ADGRL2: variants seen among roughly 807,000 people sequenced by gnomAD.
ADGRL2 encodes the protein adhesion G protein-coupled receptor L2, also known as calcium-independent alpha-latrotoxin receptor 2.
In ADGRL2, 44 loss-of-function variants were observed where a neutral mutation model predicts 157.4. The ratio of observed to expected loss-of-function variants is 0.28; its 90% CI spans 0.22 to 0.36. The LOEUF (loss-of-function observed/expected upper bound fraction) is 0.36. ADGRL2 is among the 10% of genes least tolerant of loss of function. The pLI is 1.00. For missense variants in ADGRL2, 1,510 were observed against 1,768.9 expected, an observed-to-expected ratio of 0.85 and a Z score of 2.63; for synonymous variants, 585 against 624.7, an observed-to-expected ratio of 0.94 and a Z score of 0.95.
At chr1:81,847,742 AT>A (rs2092846413) in intron 2 of ADGRL2, among the ~76,000 whole-genome samples, 1 of 151,888 alleles carries the variant, frequency 6.6e-6, no homozygotes, top group Non-Finnish European at 1.5e-5. Context: ...CTTTCATTCT[AT>A]CATACACAGA....
At chr1:81,843,890 G>T (rs890721612) in intron 2 of ADGRL2, among the ~76,000 whole-genome samples, 2 of 151,494 alleles carry the variant, frequency 1.3e-5, no homozygotes, top group Non-Finnish European at 2.9e-5. Context: ...CTTTCTTCTT[G>T]ATTCCATCCT....
intron 1 of ADGRL2, among the ~76,000 whole-genome samples, chr1:81,316,024 C>T (rs981977734): frequency 6.6e-6 from 1 of 151,764 alleles, no homozygotes; most frequent in African/African-American, 2.4e-5. Context: ...TTTTCCTTCT[C>T]ATGTGTGCCC....
chr1:81,978,956 CA>C (rs540324197), intron 17 of ADGRL2, among the ~76,000 whole-genome samples: 23 of 149,862 alleles, frequency 1.5e-4, no homozygotes, highest in Non-Finnish European at 2.4e-4. Context: ...AATAAAATGG[CA>C]AAAAAAAATT....
rs1472622951 is a variant in ADGRL2 at position 81,900,873 on chromosome 1, C to T, written c.74-6144C>T. Among the ~76,000 whole-genome samples, 3 of 151,742 alleles carry T rather than the reference C, an allele frequency of 2.0e-5. No homozygotes were observed. In the East Asian group the frequency reaches 5.8e-4, roughly 29 times the overall value. ...GCCCAGTCATTGGCTGACCACTAAG[C>T]CATGCAGACAGAGGTGATATCTAGG... On this transcript the variant is annotated intron_variant, in intron 2 of 23. Coordinates refer to ENST00000686636, the MANE Select transcript of ADGRL2 (RefSeq NM_001366006.2).
chr1:81,831,419 G>A (rs926234589), intron 1 of ADGRL2, among the ~76,000 whole-genome samples: 7 of 151,992 alleles, frequency 4.6e-5, no homozygotes, highest in Non-Finnish European at 1.0e-4. Flanking sequence ...TTCTTTTGGT[G>A]TTTCCTCACT....
rs749479865 is a variant in ADGRL2, at chr1:81,877,030, C to T, written c.74-29987C>T. On this transcript the variant is annotated intron_variant, in intron 2 of 23. Coordinates refer to ENST00000686636, the MANE Select transcript of ADGRL2 (RefSeq NM_001366006.2). Reference sequence around the variant, plus strand: ...CACTCCTGCCCAACCGCTCATTCTACAATATTGAGCCTTAACTCCTGTTCC... The same window carrying T: ...CACTCCTGCCCAACCGCTCATTCTATAATATTGAGCCTTAACTCCTGTTCC... Among the ~76,000 whole-genome samples the T allele has an allele frequency of 4.1e-4, 62 of 152,124 alleles. 1 individual carries two copies. Among genetic ancestry groups the T allele is most frequent in the Non-Finnish European group, 8.5e-4 (58 of 67,988 alleles).
At chr1:81,476,579 C>T (rs575149065) in intron 2 of ADGRL2, among the ~76,000 whole-genome samples, 1 of 152,278 alleles carries the variant, frequency 6.6e-6, no homozygotes, top group East Asian at 1.9e-4. Flanking sequence ...AAACGTTGTG[C>T]CTGCTTACCT....
intron 3 of ADGRL2, among the ~76,000 whole-genome samples, chr1:81,688,925 T>C (rs909735506): frequency 6.6e-6 from 1 of 152,150 alleles, no homozygotes; most frequent in African/African-American, 2.4e-5. Flanking sequence ...CAAACTGCAG[T>C]GACTGTTGTC....
intron 3 of ADGRL2, among the ~76,000 whole-genome samples, chr1:81,621,938 A>T (rs913464486): frequency 2.0e-5 from 3 of 152,008 alleles, no homozygotes; most frequent in Non-Finnish European, 2.9e-5. Flanking sequence ...TATATTTACA[A>T]TTTTTCCCTT....
intron 1 of ADGRL2, among the ~76,000 whole-genome samples, chr1:81,836,016 C>T (rs1360234627): frequency 6.6e-6 from 1 of 151,998 alleles, no homozygotes; most frequent in African/African-American, 2.4e-5. Flanking sequence ...GTAGTAAATG[C>T]ACAGTAGGTC....
At chr1:81,418,533 C>T (rs1367844911) in intron 1 of ADGRL2, among the ~76,000 whole-genome samples, 1 of 152,058 alleles carries the variant, frequency 6.6e-6, no homozygotes, top group Non-Finnish European at 1.5e-5. Context: ...AGGCAGATCA[C>T]GAGGTCAGGA....
chr1:81,483,971 T>C (rs2078446053), intron 2 of ADGRL2, among the ~76,000 whole-genome samples: 2 of 151,956 alleles, frequency 1.3e-5, no homozygotes, highest in Non-Finnish European at 2.9e-5. Flanking sequence ...GTGGCTATGT[T>C]TGATCATTTT....
At chr1:81,334,535 A>G (rs983098778) in intron 1 of ADGRL2, among the ~76,000 whole-genome samples, 3 of 152,234 alleles carry the variant, frequency 2.0e-5, no homozygotes, top group Non-Finnish European at 4.4e-5. Context: ...TTTTACAGTT[A>G]TGATTTTCTA....
intron 2 of ADGRL2, among the ~76,000 whole-genome samples, chr1:81,781,779 T>C (rs1297970987): frequency 6.6e-6 from 1 of 152,160 alleles, no homozygotes; most frequent in Non-Finnish European, 1.5e-5. Flanking sequence ...GGTCACACAA[T>C]TGCCAGGGAC....
At chr1:81,550,311 A>C (rs973986210) in intron 2 of ADGRL2, among the ~76,000 whole-genome samples, 1 of 152,198 alleles carries the variant, frequency 6.6e-6, no homozygotes, top group Admixed American at 6.6e-5. Context: ...CATGACAGCC[A>C]TTTTATAGCT....
At chr1:81,604,196 C>G (rs1022457028) in intron 3 of ADGRL2, among the ~76,000 whole-genome samples, 9 of 152,060 alleles carry the variant, frequency 5.9e-5, no homozygotes, top group African/African-American at 2.2e-4. Flanking sequence ...AACGCCTGAC[C>G]TCAAGTGATC....
At chr1:81,355,359 A>AC (rs1235995993) in intron 1 of ADGRL2, among the ~76,000 whole-genome samples, 6 of 152,168 alleles carry the variant, frequency 3.9e-5, no homozygotes, top group African/African-American at 1.4e-4. Flanking sequence ...ACTCAGTCTC[A>AC]AAAAAAGAGA....
intron 1 of ADGRL2, among the ~76,000 whole-genome samples, chr1:81,367,543 C>T (rs1198094758): frequency 6.6e-6 from 1 of 152,100 alleles, no homozygotes; most frequent in East Asian, 1.9e-4. Context: ...CTGCAAAGAA[C>T]ATGACCTTGT....
chr1:81,947,245 T>A (rs1445402970), intron 6 of ADGRL2, among the ~76,000 whole-genome samples: 2 of 152,224 alleles, frequency 1.3e-5, no homozygotes. Context: ...TTGAACCTTT[T>A]GCCATGTTTC....
Sources: allele counts gnomAD v4.1 joint callset (sites outside exome capture counted in the v4.1 genomes callset), GRCh38; gene constraint gnomAD v4.1.1; transcripts MANE v1.5; gene names NCBI Gene and HGNC (gene_info 2026-07-23, HGNC 2026-07-21).